Variants in BTBD7 observed in about 807,000 individuals in gnomAD.
BTBD7 encodes BTB/POZ domain-containing protein 7.
A neutral mutation model predicts 99.9 loss-of-function variants in BTBD7; 38 were observed. The ratio of observed to expected loss-of-function variants is 0.38; its 90% CI spans 0.29 to 0.50. The LOEUF is 0.50. Ranked by LOEUF, BTBD7 falls within the 20% of genes least tolerant of loss-of-function variation. The probability of loss-of-function intolerance (pLI) is 0.93; values close to 1 mark genes in which losing one functional copy is unlikely to be tolerated. For missense variants in BTBD7, 1,170 were observed against 1,394.6 expected (o/e 0.84, Z 2.57); for synonymous variants, 520 against 511.4 (o/e 1.02, Z -0.23).
At chr14:93,312,288 ACT>A (rs2053146862) in intron 1 of BTBD7, among the ~76,000 whole-genome samples, 1 of 152,068 alleles carries the variant, frequency 6.6e-6, no homozygotes, top group Non-Finnish European at 1.5e-5. Flanking sequence ...TACATACTAC[ACT>A]CTCAGTCTTA....
At chr14:93,312,703 G>C (rs1182071031) in intron 1 of BTBD7, among the ~76,000 whole-genome samples, 5 of 152,168 alleles carry the variant, frequency 3.3e-5, no homozygotes, top group Non-Finnish European at 5.9e-5. Context: ...GAGGTTGCTA[G>C]GTGGAAGTGC....
intron 9 of BTBD7, among the ~76,000 whole-genome samples, chr14:93,247,118 C>T (rs2052320722): frequency 6.6e-6 from 1 of 151,744 alleles, no homozygotes. Context: ...CCCTGACCTT[C>T]TGGGCTCAAG....
At chr14:93,318,161 T>C (rs929668289) in intron 1 of BTBD7, among the ~76,000 whole-genome samples, 4 of 152,096 alleles carry the variant, frequency 2.6e-5, no homozygotes, top group Non-Finnish European at 5.9e-5. Context: ...CAAAACGGGA[T>C]ATGATAAAAT....
Position 93,242,988 on chromosome 14 carries a change from G to C in BTBD7, c.2684C>G (p.Thr895Arg). The change falls in exon 11 of 11, where the codon ACA becomes AGA. Residue 895 changes from threonine (T) to arginine (R), a missense_variant. Around this residue, in one of 4 missense-constraint regions of BTBD7, gnomAD observed 495 missense variants for 525.9 expected, o/e 0.94. Coordinates refer to ENST00000334746, the MANE Select transcript of BTBD7 (RefSeq NM_001002860.4). ...TTCAGAAACTGACTGGCTTAATTCT[G>C]TGTCTACAGCAAGCTCTGGAAGCCT... The part of the protein sequence containing the change: ...DRRLPELAVD[T>R]ELSQSVSEAG... 1 of 1,614,098 alleles carries C rather than the reference G, an allele frequency of 6.2e-7. No homozygotes were observed. Among genetic ancestry groups the C allele is most frequent in the African/African-American group, 1.3e-5 (1 of 75,002 alleles).
In BTBD7 at chr14:93,332,955, C is replaced by A; in HGVS notation, c.-242G>T. Reference sequence around the variant, plus strand: ...CTCCTCCCACCGCCGCCGCCGCCGCCCTCTCCTCTCCTGTCAGTGGCTCAG... The same window carrying A: ...CTCCTCCCACCGCCGCCGCCGCCGCACTCTCCTCTCCTGTCAGTGGCTCAG... On this transcript the variant is annotated 5_prime_UTR_variant, in exon 1 of 11. Transcript: ENST00000334746. 2 of 710,716 alleles carry A rather than the reference C, an allele frequency of 2.8e-6. No homozygotes were observed. The highest frequency in any genetic ancestry group is 4.3e-5 in the South Asian group (2 of 46,200). 44.0% of individuals were successfully genotyped at this position (710,716 alleles called of 1,614,324 possible).
chr14:93,315,427 C>T (rs1453575215), intron 1 of BTBD7, among the ~76,000 whole-genome samples: 1 of 152,170 alleles, frequency 6.6e-6, no homozygotes, highest in Non-Finnish European at 1.5e-5. Context: ...CAATGTTAGG[C>T]TTGACTTTTT....
In BTBD7 at chr14:93,310,388, A is replaced by G. The variant is rs138413428; in HGVS notation, c.-106-14231T>C. Among the ~76,000 whole-genome samples, 526 of 152,278 alleles carry G rather than the reference A, an allele frequency of 3.5e-3. 1 individual carries two copies. Among genetic ancestry groups the G allele is most frequent in the Non-Finnish European group, 5.9e-3 (401 of 68,016 alleles). ...GTGACTGGATGACTATGTCTCTTCA[A>G]TCTCTGCATATGGGTTCCTCCCCCT... On this transcript the variant is annotated intron_variant, in intron 1 of 10. Transcript: ENST00000334746.
At chr14:93,325,061 G>C (rs1256325865) in intron 1 of BTBD7, among the ~76,000 whole-genome samples, 1 of 151,390 alleles carries the variant, frequency 6.6e-6, no homozygotes, top group African/African-American at 2.4e-5. Flanking sequence ...TTATCGACAA[G>C]GGAAGTTAAC....
At chr14:93,259,356 A>C (rs1404847091) in intron 5 of BTBD7, among the ~76,000 whole-genome samples, 1 of 152,182 alleles carries the variant, frequency 6.6e-6, no homozygotes, top group Non-Finnish European at 1.5e-5. Flanking sequence ...ACAGCACTTC[A>C]GTACTACACC....
chr14:93,270,258 GC>G (rs2052587020), intron 3 of BTBD7, among the ~76,000 whole-genome samples: 2 of 152,082 alleles, frequency 1.3e-5, no homozygotes, highest in South Asian at 4.2e-4. Flanking sequence ...ACAACACCCG[GC>G]TAACTTTTCT....
chr14:93,275,952 G>T (rs150292990), intron 3 of BTBD7, among the ~76,000 whole-genome samples: 93 of 152,284 alleles, frequency 6.1e-4, no homozygotes, highest in African/African-American at 2.1e-3. Flanking sequence ...GGTGGCTCAC[G>T]CCTGTAGTCC....
intron 8 of BTBD7, among the ~76,000 whole-genome samples, chr14:93,250,492 C>T (rs777674526): frequency 1.3e-5 from 2 of 152,186 alleles, no homozygotes; most frequent in Non-Finnish European, 2.9e-5. Flanking sequence ...TCATTAGCTC[C>T]AGAATAAAAT....
At chr14:93,280,823 T>TGAAG in intron 3 of BTBD7, among the ~76,000 whole-genome samples, 1 of 151,874 alleles carries the variant, frequency 6.6e-6, no homozygotes, top group East Asian at 1.9e-4. Flanking sequence ...TTCGGTCCTT[T>TGAAG]GAAGGTATTA....
chr14:93,306,457 A>C (rs1396818706), intron 1 of BTBD7, among the ~76,000 whole-genome samples: 1 of 151,224 alleles, frequency 6.6e-6, no homozygotes, highest in Non-Finnish European at 1.5e-5. Context: ...AAAAAAAAAA[A>C]GACGTTATCA....
In BTBD7 at chr14:93,332,888, C is replaced by G. The variant is rs1011180325; in HGVS notation, c.-175G>C. The G allele has an allele frequency of 2.8e-6, 4 of 1,436,398 alleles. No individual in the cohort carries two copies. The African/African-American group carries it at 6.0e-5, about 21-fold the overall frequency. The allele number at this position is 1,436,398 out of a possible 1,614,324, so 89.0% of individuals were successfully genotyped here. A position where few individuals can be genotyped will look rare whatever the true frequency, so the allele number is the denominator to read the frequency against. ...GCCGTCGCCTCCGCCGCCGCCGCCA[C>G]CAGCACCGCCGTCCGCACCGGCGCC... On this transcript the variant is annotated 5_prime_UTR_variant, in exon 1 of 11. Transcript: ENST00000334746.
intron 9 of BTBD7, 59 bp from the exon 10 acceptor site, chr14:93,246,345 A>AT (rs2052310907): frequency 6.9e-7 from 1 of 1,452,028 alleles, no homozygotes; most frequent in African/African-American, 1.4e-5. Flanking sequence ...ATAAGTGGAA[A>AT]TTTATAGGCT....
intron 1 of BTBD7, among the ~76,000 whole-genome samples, chr14:93,325,106 ATTTTT>A (rs34523849): frequency 2.3e-4 from 24 of 105,560 alleles, no homozygotes; most frequent in African/African-American, 9.1e-4. Context: ...GCATGCTCCA[ATTTTT>A]TTTTTTTTTT....
intron 3 of BTBD7, among the ~76,000 whole-genome samples, chr14:93,289,478 G>T (rs2052820985): frequency 6.6e-6 from 1 of 152,158 alleles, no homozygotes; most frequent in Non-Finnish European, 1.5e-5. Flanking sequence ...CTCCTCAGTA[G>T]CCCCCTTTAC....
chr14:93,294,364 A>T lies in BTBD7; in HGVS notation c.656T>A (p.Ile219Asn). The T allele has an allele frequency of 6.2e-7, 1 of 1,614,196 alleles. No individual in the cohort carries two copies. The highest frequency in any genetic ancestry group is 8.5e-7 in the Non-Finnish European group (1 of 1,180,028). ...MEDSRFQNVDILVQLSEEFGT... is the reference protein window; with the variant it reads ...MEDSRFQNVDNLVQLSEEFGT... Reference sequence around the variant, plus strand: ...AAATTCTTCACTAAGCTGAACAAGGATATCGACATTTTGAAACCTTGAGTC... The same window carrying T: ...AAATTCTTCACTAAGCTGAACAAGGTTATCGACATTTTGAAACCTTGAGTC... Residue 219 changes from isoleucine to asparagine, a missense_variant, in exon 3 of 11, where the codon ATC (isoleucine) becomes AAC (asparagine). Physicochemically the swap from Ile to Asn is moderately radical, Grantham distance 149. Around this residue, in one of 4 missense-constraint regions of BTBD7, gnomAD observed 359 missense variants for 497.9 expected, o/e 0.72. Coordinates refer to ENST00000334746, the MANE Select transcript of BTBD7 (RefSeq NM_001002860.4).
Sources: gnomAD v4.1 joint callset for allele counts (sites outside exome capture counted in the v4.1 genomes callset) on GRCh38, gnomAD v4.1.1 for gene constraint, gnomAD v4.1.1 regional missense constraint, MANE v1.5 for transcripts, NCBI Gene and HGNC (gene_info 2026-07-23, HGNC 2026-07-21) for gene names.